Variants in CAVIN1 observed in about 807,000 individuals in gnomAD.
CAVIN1 encodes caveolae-associated protein 1.
In CAVIN1, 16 loss-of-function variants were observed where a neutral mutation model predicts 24.0. That is an observed-to-expected ratio of 0.67 (90% CI 0.45 to 1.01). CAVIN1 has a LOEUF of 1.01. CAVIN1 is among the 50% of genes least tolerant of loss of function. The probability of loss-of-function intolerance (pLI) is 0.00; values close to 1 mark genes in which losing one functional copy is unlikely to be tolerated. For missense variants in CAVIN1, 510 were observed against 551.7 expected (o/e 0.92, Z 0.76); for synonymous variants, 256 against 256.4 (o/e 1.00, Z 0.02).
At chr17:42,406,058 C>G (rs1194333633) in intron 1 of CAVIN1, among the ~76,000 whole-genome samples, 1 of 152,130 alleles carries the variant, frequency 6.6e-6, no homozygotes, top group African/African-American at 2.4e-5. Flanking sequence ...GAGCAGGGGA[C>G]CAAACTTCGG....
At position 42,405,270 on chromosome 17, in the gene CAVIN1, G is replaced by T; in HGVS notation, c.590C>A (p.Ala197Glu). 1.2e-6 allele frequency: 2 copies of T among 1,612,938 alleles called. No homozygotes were observed. Among genetic ancestry groups the T allele is most frequent in the Non-Finnish European group, 1.7e-6 (2 of 1,179,960 alleles). ...CTCGTCCGACGAAAGCTCCAGCGCCGCTGCGTCCTCCTCGGGCCGCTCGCC... is the reference window on the plus strand; with the variant it reads ...CTCGTCCGACGAAAGCTCCAGCGCCTCTGCGTCCTCCTCGGGCCGCTCGCC... The part of the protein sequence containing the change: ...GEGERPEEDA[A>E]ALELSSDEAV... The change falls in exon 2 of 2, where the codon GCG becomes GAG. Residue 197 changes from alanine (A) to glutamate (E), a missense_variant. Physicochemically the swap from Ala to Glu is moderately radical, Grantham distance 107 (BLOSUM62 -1). Transcript: ENST00000357037.
Position 42,405,140 on chromosome 17 carries a change from C to T in CAVIN1, c.720G>A (p.Lys240=). The T allele has an allele frequency of 6.2e-7, 1 of 1,613,814 alleles. No individual in the cohort carries two copies. The highest frequency in any genetic ancestry group is 1.1e-5 in the South Asian group (1 of 91,076). Residue 240 remains lysine, a synonymous_variant, in exon 2 of 2, where the codon AAG becomes AAA. Coordinates refer to ENST00000357037, the MANE Select transcript of CAVIN1 (RefSeq NM_012232.6). ...GGGTACGCACCTTGGTCTTCTCCAT[C>T]TTCTCCTTGGAGAAGGCCTTCTTGA... is the stretch of plus-strand genomic sequence containing the variant. ...DDFKKAFSKE[K]MEKTKVRTRE... is the part of the protein sequence containing the mutation.
chr17:42,405,497 G>T, intron 1 of CAVIN1, 109 bp from the exon 2 acceptor site: 1 of 1,174,090 alleles, frequency 8.5e-7, no homozygotes, highest in Non-Finnish European at 1.3e-6. Flanking sequence ...GGACGCTCGT[G>T]GTCCCCAGGA....
At chr17:42,413,100 ATTTTGAAATTTTAGCAGAG>A (rs2085490016) in intron 1 of CAVIN1, among the ~76,000 whole-genome samples, 1 of 150,774 alleles carries the variant, frequency 6.6e-6, no homozygotes, top group Admixed American at 6.6e-5. Flanking sequence ...CTCAGCTAAT[ATTTTGAAATTTTAGCAGAG>A]ATAGGGTTTC....
chr17:42,422,845 C>T lies in CAVIN1; in HGVS notation c.253G>A (p.Ala85Thr), dbSNP rs61729284. The T allele has an allele frequency of 6.2e-7, 1 of 1,613,754 alleles. No homozygotes were observed. The highest frequency in any genetic ancestry group is 1.1e-5 in the South Asian group (1 of 91,032). ...LEERQAEMEG[A>T]VQSIQGELSK... ...AGCTCGCCCTGGATGCTCTGCACTG[C>T]GCCCTCCATCTCCGCCTGCCGCTCC... The change falls in exon 1 of 2, where the codon GCA becomes ACA. Residue 85 changes from alanine (A) to threonine (T), a missense_variant. By Grantham distance (58) the Ala-to-Thr change is moderately conservative. Coordinates refer to ENST00000357037, the MANE Select transcript of CAVIN1 (RefSeq NM_012232.6).
Position 42,404,726 on chromosome 17 carries a change from C to A in CAVIN1, c.1134G>T (p.Glu378Asp). The change falls in exon 2 of 2, where the codon GAG (glutamate) becomes GAT (aspartate). Residue 378 changes from glutamate to aspartate, a missense_variant. Transcript: ENST00000357037. The part of the protein sequence containing the change: ...DVHALLEITE[E>D]SDAVLVDKSD... Reference sequence around the variant, plus strand: ...TCTTGTCCACCAGCACGGCGTCCGACTCCTCGGTGATCTCCAGCAGCGCGT... The same window carrying A: ...TCTTGTCCACCAGCACGGCGTCCGAATCCTCGGTGATCTCCAGCAGCGCGT... 1.3e-6 allele frequency: 2 copies of A among 1,497,530 alleles called. No homozygotes were observed. The highest frequency in any genetic ancestry group is 1.8e-6 in the Non-Finnish European group (2 of 1,129,766). 92.8% of individuals were successfully genotyped at this position (1,497,530 alleles called of 1,614,324 possible). A position where few individuals can be genotyped will look rare whatever the true frequency, so the allele number is the denominator to read the frequency against.
At position 42,405,271 on chromosome 17, in the gene CAVIN1, C is replaced by G; in HGVS notation, c.589G>C (p.Ala197Pro). 1 of 1,613,044 alleles carries G rather than the reference C, an allele frequency of 6.2e-7. No homozygotes were observed. Among genetic ancestry groups the G allele is most frequent in the South Asian group, 1.1e-5 (1 of 91,078 alleles). Residue 197 changes from alanine (A) to proline (P), a missense_variant, in exon 2 of 2, where the codon GCG becomes CCG. By Grantham distance (27) the Ala-to-Pro change is conservative (BLOSUM62 -1). Coordinates refer to ENST00000357037, the MANE Select transcript of CAVIN1 (RefSeq NM_012232.6). ...TCGTCCGACGAAAGCTCCAGCGCCGCTGCGTCCTCCTCGGGCCGCTCGCCC... is the reference window on the plus strand; with the variant it reads ...TCGTCCGACGAAAGCTCCAGCGCCGGTGCGTCCTCCTCGGGCCGCTCGCCC... ...GEGERPEEDAAALELSSDEAV... is the reference protein window; with the variant it reads ...GEGERPEEDAPALELSSDEAV...
intron 1 of CAVIN1, among the ~76,000 whole-genome samples, chr17:42,418,494 G>A (rs543741132): frequency 1.3e-5 from 2 of 152,230 alleles, no homozygotes; most frequent in African/African-American, 4.8e-5. Context: ...GCCTCCCAAA[G>A]TGTTGGGATT....
Position 42,405,113 on chromosome 17 carries a change from G to A in CAVIN1, c.747C>T (p.Arg249=). Residue 249 remains arginine, a synonymous_variant, in exon 2 of 2, where the codon CGC becomes CGT. Coordinates refer to ENST00000357037, the MANE Select transcript of CAVIN1 (RefSeq NM_012232.6). ...TGAGGCGCGTCTTCTCCAGGTTCTC[G>A]CGGGTACGCACCTTGGTCTTCTCCA... The part of the protein sequence containing the change: ...EKMEKTKVRT[R]ENLEKTRLKT... The A allele has an allele frequency of 6.2e-7, 1 of 1,613,832 alleles. No individual in the cohort carries two copies. The highest frequency in any genetic ancestry group is 1.7e-5 in the Admixed American group (1 of 60,002).
At chr17:42,411,407 A>T (rs907839263) in intron 1 of CAVIN1, 7 of 983,790 alleles carry the variant, frequency 7.1e-6, no homozygotes, top group African/African-American at 3.5e-5. Flanking sequence ...TTTTTTTAAC[A>T]TTTTTTTTAA....
chr17:42,422,047 G>A (rs768253251), intron 1 of CAVIN1, among the ~76,000 whole-genome samples: 1 of 152,196 alleles, frequency 6.6e-6, no homozygotes, highest in Non-Finnish European at 1.5e-5. Flanking sequence ...AGGCCGATGT[G>A]GGGGCGCGGG....
intron 1 of CAVIN1, among the ~76,000 whole-genome samples, chr17:42,415,593 C>G (rs1339573043): frequency 6.6e-6 from 1 of 152,068 alleles, no homozygotes; most frequent in Non-Finnish European, 1.5e-5. Flanking sequence ...TGTCTGTAGT[C>G]CTAGCTACTT....
At chr17:42,407,938 A>G (rs1414820099) in intron 1 of CAVIN1, among the ~76,000 whole-genome samples, 1 of 152,072 alleles carries the variant, frequency 6.6e-6, no homozygotes, top group African/African-American at 2.4e-5. Context: ...ACTGGAGTGC[A>G]TATCATTTAA....
At chr17:42,411,921 C>A (rs977507501) in intron 1 of CAVIN1, 2 of 985,418 alleles carry the variant, frequency 2.0e-6, no homozygotes, top group Non-Finnish European at 2.4e-6. Flanking sequence ...CAGTACCCGG[C>A]ACCCGTCCAC....
intron 1 of CAVIN1, among the ~76,000 whole-genome samples, chr17:42,408,474 G>A (rs574827202): frequency 8.1e-6 from 1 of 122,738 alleles, no homozygotes; most frequent in Non-Finnish European, 1.8e-5. Flanking sequence ...CCTAGTGAGA[G>A]GAGGTTTTTG....
intron 1 of CAVIN1, among the ~76,000 whole-genome samples, chr17:42,414,241 G>A (rs1464119375): frequency 3.3e-5 from 5 of 152,076 alleles, no homozygotes; most frequent in Non-Finnish European, 2.9e-5. Flanking sequence ...GTGGACACAG[G>A]ATGCTACCCC....
intron 1 of CAVIN1, among the ~76,000 whole-genome samples, chr17:42,415,017 A>C (rs1182831331): frequency 1.3e-5 from 2 of 148,282 alleles, no homozygotes; most frequent in Non-Finnish European, 3.0e-5. Flanking sequence ...GTGACCACAC[A>C]TTGCCTCTAC....
chr17:42,408,842 G>T (rs1435216409), intron 1 of CAVIN1, among the ~76,000 whole-genome samples: 1 of 142,574 alleles, frequency 7.0e-6, no homozygotes, highest in African/African-American at 2.6e-5. Context: ...CTAGGTTGGA[G>T]TGCAGTGGCG....
In CAVIN1 at chr17:42,404,571, G is replaced by A; in HGVS notation, c.*116C>T. 1.5e-6 allele frequency: 1 copy of A among 678,992 alleles called. No individual in the cohort carries two copies. The highest frequency in any genetic ancestry group is 2.3e-6 in the Non-Finnish European group (1 of 442,482). The allele number at this position is 678,992 out of a possible 1,614,324, so 42.1% of individuals were successfully genotyped here. ...CTGGGAGTGGAGTTCCTGGAGGTGT[G>A]GGGAGGGGGGCGTGTTTTCAATTTA... On this transcript the variant is annotated 3_prime_UTR_variant, in exon 2 of 2. Transcript: ENST00000357037.
Sources: allele counts gnomAD v4.1 joint callset (sites outside exome capture counted in the v4.1 genomes callset), GRCh38; gene constraint gnomAD v4.1.1; transcripts MANE v1.5; gene names NCBI Gene and HGNC (gene_info 2026-07-23, HGNC 2026-07-21).